Variants in ZCCHC14 observed in about 807,000 individuals in gnomAD.
ZCCHC14 encodes the protein zinc finger CCHC-type containing 14.
A neutral mutation model predicts 85.0 loss-of-function variants in ZCCHC14; 16 were observed. That is an observed-to-expected ratio of 0.19 (90% CI 0.13 to 0.29). The LOEUF (loss-of-function observed/expected upper bound fraction) is 0.29. ZCCHC14 is among the 10% of genes least tolerant of loss of function. The pLI is 1.00. For synonymous variants in ZCCHC14, 775 were observed against 630.7 expected (o/e 1.23, Z -3.43); for missense variants, 1,303 against 1,443.5 (o/e 0.90, Z 1.58).
At chr16:87,440,459 C>G (rs1019290544) in intron 2 of ZCCHC14, among the ~76,000 whole-genome samples, 5 of 152,100 alleles carry the variant, frequency 3.3e-5, no homozygotes, top group Non-Finnish European at 5.9e-5. Context: ...GCCACCGTGC[C>G]CAGCTGATTC....
intron 3 of ZCCHC14, among the ~76,000 whole-genome samples, chr16:87,427,893 C>A (rs1285824784): frequency 1.3e-5 from 2 of 151,464 alleles, no homozygotes; most frequent in African/African-American, 4.9e-5. Context: ...CAGCCTCCCA[C>A]AGTGCTGGGA....
At chr16:87,427,874 C>A (rs1240292385) in intron 3 of ZCCHC14, among the ~76,000 whole-genome samples, 1 of 151,974 alleles carries the variant, frequency 6.6e-6, no homozygotes, top group African/African-American at 2.4e-5. Context: ...TCAAGCGATC[C>A]GTCTGCCTCA....
chr16:87,484,963 G>A (rs1239237227), intron 1 of ZCCHC14, among the ~76,000 whole-genome samples: 2 of 152,196 alleles, frequency 1.3e-5, no homozygotes, highest in African/African-American at 4.8e-5. Flanking sequence ...CAAACCGGCG[G>A]TGAGGGACCA....
chr16:87,446,191 A>G (rs1388607862), intron 2 of ZCCHC14, among the ~76,000 whole-genome samples: 1 of 151,068 alleles, frequency 6.6e-6, no homozygotes, highest in African/African-American at 2.4e-5. Context: ...AAAAGACTTA[A>G]AAAAAAAATT....
chr16:87,489,124 G>C (rs1240973675), intron 1 of ZCCHC14, among the ~76,000 whole-genome samples: 2 of 152,136 alleles, frequency 1.3e-5, no homozygotes, highest in Non-Finnish European at 2.9e-5. Flanking sequence ...AGCAATAAAG[G>C]GTTCATCAAC....
At chr16:87,465,002 A>C in intron 1 of ZCCHC14, among the ~76,000 whole-genome samples, 1 of 152,120 alleles carries the variant, frequency 6.6e-6, no homozygotes, top group East Asian at 1.9e-4. Flanking sequence ...GCCTCTTCCC[A>C]CAACCCACAA....
chr16:87,487,308 T>TA, intron 1 of ZCCHC14, among the ~76,000 whole-genome samples: 1 of 151,990 alleles, frequency 6.6e-6, no homozygotes. Context: ...AGTACCCCCT[T>TA]AAAAAAATCA....
intron 8 of ZCCHC14, among the ~76,000 whole-genome samples, chr16:87,416,166 T>A (rs1908772805): frequency 6.6e-6 from 1 of 151,992 alleles, no homozygotes; most frequent in African/African-American, 2.4e-5. Flanking sequence ...CCTCAGATGA[T>A]CCACCTGCCT....
chr16:87,443,175 CG>C, intron 2 of ZCCHC14, among the ~76,000 whole-genome samples: 1 of 152,290 alleles, frequency 6.6e-6, no homozygotes, highest in East Asian at 1.9e-4. Flanking sequence ...TCGATGCCTG[CG>C]GATAGAATTC....
At chr16:87,477,276 G>A (rs947029378) in intron 1 of ZCCHC14, among the ~76,000 whole-genome samples, 4 of 152,152 alleles carry the variant, frequency 2.6e-5, no homozygotes, top group Admixed American at 1.3e-4. Context: ...ATCAGACTGC[G>A]GTACTGAGGA....
At chr16:87,419,738 T>G (rs78067254) in intron 6 of ZCCHC14, 45 bp downstream of exon 6, 1 of 1,350,660 alleles carries the variant, frequency 7.4e-7, no homozygotes, top group Non-Finnish European at 9.9e-7. Flanking sequence ...GCCCAGCTGT[T>G]TTTTTTTTTT....
chr16:87,468,753 TGGC>T (rs1238098800), intron 1 of ZCCHC14, among the ~76,000 whole-genome samples: 1 of 152,198 alleles, frequency 6.6e-6, no homozygotes, highest in African/African-American at 2.4e-5. Flanking sequence ...GGGATTCTCG[TGGC>T]ATGCAGCCAA....
chr16:87,423,742 C>T (rs1033496263), intron 4 of ZCCHC14, 68 bp downstream of exon 4: 3 of 1,560,740 alleles, frequency 1.9e-6, no homozygotes, highest in African/African-American at 1.4e-5. Flanking sequence ...TGAAATTACT[C>T]CGTGGTATCA....
At chr16:87,415,430 A>C (rs907189523) in intron 8 of ZCCHC14, 63 bp from the exon 9 acceptor site, 2 of 1,428,204 alleles carry the variant, frequency 1.4e-6, no homozygotes, top group East Asian at 2.3e-5. Flanking sequence ...AGAACAAAGA[A>C]CTTGGAGTTG....
intron 1 of ZCCHC14, among the ~76,000 whole-genome samples, chr16:87,465,957 G>A (rs142481780): frequency 7.9e-5 from 12 of 152,180 alleles, no homozygotes; most frequent in Admixed American, 2.6e-4. Context: ...CCCGGTCTCC[G>A]CAACGTCCCT....
intron 2 of ZCCHC14, among the ~76,000 whole-genome samples, chr16:87,440,822 G>C (rs948535188): frequency 6.6e-6 from 1 of 151,316 alleles, no homozygotes; most frequent in African/African-American, 2.4e-5. Flanking sequence ...TGTCACCCAG[G>C]CTGCTTGCTC....
Position 87,439,759 on chromosome 16 carries a change from T to C in ZCCHC14, c.695-6558A>G, listed in dbSNP as rs186574722. Among the ~76,000 whole-genome samples, 287 of 152,310 alleles carry C rather than the reference T, an allele frequency of 1.9e-3. 3 individuals are homozygous for C. Among genetic ancestry groups the C allele is most frequent in the South Asian group, 0.012 (56 of 4,826 alleles). On this transcript the variant is annotated intron_variant, in intron 2 of 12. Transcript: ENST00000671377. ...AAACAAACAAGATCTTAGAGGATGA[T>C]TAAAATGTTACAAAGTCAAAATACA...
intron 6 of ZCCHC14, 87 bp downstream of exon 6, chr16:87,419,696 A>G (rs1484942596): frequency 4.2e-6 from 5 of 1,197,020 alleles, no homozygotes; most frequent in Non-Finnish European, 5.6e-6. Context: ...TCAGCCTCCC[A>G]AAGTGCTGGG....
chr16:87,407,059 G>C lies in ZCCHC14; in HGVS notation c.*3221C>G, dbSNP rs1416523021. ...ACAAGAAAATGACAGGGAGCAAGGA[G>C]GGTGCAACCCAGTTCCCATCTGGCA... On this transcript the variant is annotated 3_prime_UTR_variant, in exon 13 of 13. Transcript: ENST00000671377. 1 of 152,324 alleles carries C rather than the reference G, an allele frequency of 6.6e-6. No individual in the cohort carries two copies. The highest frequency in any genetic ancestry group is 6.5e-5 in the Admixed American group (1 of 15,284). 9.4% of individuals were successfully genotyped at this position (152,324 alleles called of 1,614,324 possible). A position where few individuals can be genotyped will look rare whatever the true frequency, so the allele number is the denominator to read the frequency against.
Sources: gnomAD v4.1 joint callset for allele counts (sites outside exome capture counted in the v4.1 genomes callset) on GRCh38, gnomAD v4.1.1 for gene constraint, MANE v1.5 for transcripts, NCBI Gene and HGNC (gene_info 2026-07-23, HGNC 2026-07-21) for gene names.